The following FEZ1 variants were observed in gnomAD, a reference collection of about 807,000 sequenced individuals.
The protein encoded by FEZ1 is fasciculation and elongation protein zeta 1.
In FEZ1, 20 loss-of-function variants were observed where a neutral mutation model predicts 49.3. The ratio of observed to expected loss-of-function variants is 0.41; its 90% CI spans 0.29 to 0.59. The LOEUF is 0.59. FEZ1 is among the 20% of genes least tolerant of loss of function. The probability of loss-of-function intolerance (pLI) is 0.36; values close to 1 mark genes in which losing one functional copy is unlikely to be tolerated. For missense variants in FEZ1, 413 were observed against 476.0 expected (o/e 0.87, Z 1.23); for synonymous variants, 170 against 180.9 (o/e 0.94, Z 0.48).
At chr11:125,464,425 T>C (rs1030429115) in intron 3 of FEZ1, among the ~76,000 whole-genome samples, 1 of 152,048 alleles carries the variant, frequency 6.6e-6, no homozygotes, top group Non-Finnish European at 1.5e-5. Context: ...GATTTGAACG[T>C]CATACAAGGA....
At chr11:125,449,263 C>T (rs1348548150) in intron 8 of FEZ1, among the ~76,000 whole-genome samples, 2 of 146,374 alleles carry the variant, frequency 1.4e-5, no homozygotes, top group East Asian at 4.0e-4. Context: ...CCAGGCTGGT[C>T]TTGAACTCCT....
intron 5 of FEZ1, among the ~76,000 whole-genome samples, chr11:125,459,508 C>T (rs1957052768): frequency 1.3e-5 from 2 of 152,068 alleles, no homozygotes; most frequent in Non-Finnish European, 1.5e-5. Flanking sequence ...AGGAGAATCG[C>T]GTGAAGCTGG....
intron 9 of FEZ1, among the ~76,000 whole-genome samples, chr11:125,447,350 T>C (rs1355163549): frequency 6.6e-6 from 1 of 152,224 alleles, no homozygotes; most frequent in Admixed American, 6.5e-5. Context: ...CTCCAACAAA[T>C]GCATTTCAAG....
chr11:125,470,865 CT>C (rs1957177200), intron 3 of FEZ1, among the ~76,000 whole-genome samples: 1 of 151,892 alleles, frequency 6.6e-6, no homozygotes, highest in South Asian at 2.1e-4. Flanking sequence ...TAAAAGACAA[CT>C]AACTGTCTAA....
In FEZ1 at chr11:125,444,070, T is replaced by C. The variant is rs1956875528; in HGVS notation, c.*2025A>G. On this transcript the variant is annotated 3_prime_UTR_variant, in exon 10 of 10. Transcript: ENST00000278919. ...CTCACACCACTAATGACCCTGGGCATGTTCAGCCTTAGCACCAGTGAACTG... is the reference window on the plus strand; with the variant it reads ...CTCACACCACTAATGACCCTGGGCACGTTCAGCCTTAGCACCAGTGAACTG... Among the ~76,000 whole-genome samples, 1 of 152,306 alleles carries C rather than the reference T, an allele frequency of 6.6e-6. No individual in the cohort carries two copies. The highest frequency in any genetic ancestry group is 1.9e-4 in the East Asian group (1 of 5,186).
intron 1 of FEZ1, among the ~76,000 whole-genome samples, chr11:125,491,043 C>T (rs1453696206): frequency 1.3e-5 from 2 of 152,110 alleles, no homozygotes; most frequent in South Asian, 2.1e-4. Flanking sequence ...CATGAGCCAC[C>T]GTGCCCAGAC....
intron 1 of FEZ1, among the ~76,000 whole-genome samples, chr11:125,493,469 AGAAGGAAAGAAGGAAAGAAG>A (rs1565307158): frequency 0.01 from 807 of 80,512 alleles, 53 homozygotes; most frequent in African/African-American, 0.019. Flanking sequence ...AAAGAAGGAA[AGAAGGAAAGAAGGAAAGAAG>A]GAAAGAAAGA....
intron 2 of FEZ1, among the ~76,000 whole-genome samples, chr11:125,484,211 T>C (rs988563311): frequency 2.0e-5 from 3 of 152,242 alleles, no homozygotes; most frequent in African/African-American, 7.2e-5. Context: ...CAGGTAGTAC[T>C]CTAAACCAGA....
At chr11:125,459,402 G>A (rs1342414359) in intron 5 of FEZ1, among the ~76,000 whole-genome samples, 4 of 151,960 alleles carry the variant, frequency 2.6e-5, no homozygotes, top group African/African-American at 9.7e-5. Context: ...GAACAGCCTG[G>A]CCAACGTGGA....
At chr11:125,448,358 T>C in intron 9 of FEZ1, 144 bp downstream of exon 9, 1 of 572,256 alleles carries the variant, frequency 1.7e-6, no homozygotes, top group Non-Finnish European at 3.1e-6. Context: ...GGAAAACCTA[T>C]TACTCCAAAG....
chr11:125,490,441 TAC>T (rs1230997689), intron 1 of FEZ1, among the ~76,000 whole-genome samples: 1 of 152,250 alleles, frequency 6.6e-6, no homozygotes, highest in Non-Finnish European at 1.5e-5. Context: ...ATGCGGAATG[TAC>T]ACTCTATTAC....
Position 125,447,279 on chromosome 11 carries a change from T to C in FEZ1, c.1163-1168A>G, listed in dbSNP as rs373097073. ...CAGGAGAACATATTAAATTACACCA[T>C]GGGGATGAAATTAGCAAAAATCCAC... On this transcript the variant is annotated intron_variant, in intron 9 of 9. Coordinates refer to ENST00000278919, the MANE Select transcript of FEZ1 (RefSeq NM_005103.5). 4.1e-4 allele frequency among the ~76,000 whole-genome samples: 62 copies of C among 152,230 alleles called. No individual in the cohort carries two copies. The South Asian group carries it at 7.5e-3, about 18-fold the overall frequency.
chr11:125,446,088 G>A lies in FEZ1; in HGVS notation c.*7C>T, dbSNP rs757148188. The A allele has an allele frequency of 3.7e-6, 6 of 1,613,972 alleles. No individual in the cohort carries two copies. Among genetic ancestry groups the A allele is most frequent in the Admixed American group, 1.7e-5 (1 of 60,016 alleles). On this transcript the variant is annotated 3_prime_UTR_variant, in exon 10 of 10. Coordinates refer to ENST00000278919, the MANE Select transcript of FEZ1 (RefSeq NM_005103.5). ...CTCCTGCAGCGAGGCTGCTCCAAAG[G>A]GCAAGGTTAGGTAGGGCAGAGCACT...
chr11:125,468,796 C>G (rs917903810), intron 3 of FEZ1, among the ~76,000 whole-genome samples: 6 of 152,214 alleles, frequency 3.9e-5, no homozygotes, highest in Non-Finnish European at 7.4e-5. Flanking sequence ...TTGCAGACCC[C>G]GAGGGGCAGC....
At chr11:125,452,250 G>A (rs961141143) in intron 8 of FEZ1, 84 bp downstream of exon 8, 20 of 917,434 alleles carry the variant, frequency 2.2e-5, no homozygotes, top group Non-Finnish European at 1.1e-5. Context: ...GAGGAGTCTC[G>A]GGCCTGCGGC....
intron 5 of FEZ1, among the ~76,000 whole-genome samples, chr11:125,457,136 T>C (rs1185878422): frequency 6.7e-6 from 1 of 148,234 alleles, no homozygotes; most frequent in Non-Finnish European, 1.5e-5. Context: ...TGAGCAGAGA[T>C]CACACCACTG....
intron 3 of FEZ1, among the ~76,000 whole-genome samples, chr11:125,468,751 G>A (rs1439079030): frequency 1.3e-5 from 2 of 152,198 alleles, no homozygotes; most frequent in Admixed American, 6.5e-5. Flanking sequence ...CCAAGGTAAA[G>A]GGGGTCACAC....
intron 9 of FEZ1, among the ~76,000 whole-genome samples, chr11:125,446,735 G>A (rs1956902933): frequency 6.6e-6 from 1 of 151,866 alleles, no homozygotes; most frequent in Non-Finnish European, 1.5e-5. Flanking sequence ...TGGATGCAGT[G>A]GTGTGATCAC....
chr11:125,448,715 T>A, intron 8 of FEZ1, 148 bp from the exon 9 acceptor site: 1 of 615,298 alleles, frequency 1.6e-6, no homozygotes, highest in Non-Finnish European at 2.9e-6. Flanking sequence ...TCTAGAAGGC[T>A]CTATCAGGGG....
Sources: gnomAD v4.1 joint callset for allele counts (sites outside exome capture counted in the v4.1 genomes callset) on GRCh38, gnomAD v4.1.1 for gene constraint, MANE v1.5 for transcripts, NCBI Gene and HGNC (gene_info 2026-07-23, HGNC 2026-07-21) for gene names.